Variants in STOM observed in about 807,000 individuals in gnomAD.
The protein encoded by STOM is stomatin.
In STOM, 25 loss-of-function variants were observed where a neutral mutation model predicts 30.6. The ratio of observed to expected loss-of-function variants is 0.82; its 90% CI spans 0.60 to 1.14. STOM has a LOEUF of 1.14. Among genes scored for constraint, STOM ranks in the 50% most tolerant of loss-of-function variants. STOM has a pLI of 0.00. For synonymous variants in STOM, 118 were observed against 130.8 expected (o/e 0.90, Z 0.67); for missense variants, 292 against 365.2 (o/e 0.80, Z 1.63).
chr9:121,369,857 G>T, intron 1 of STOM: 3 of 466,170 alleles, frequency 6.4e-6, no homozygotes, highest in South Asian at 3.7e-5. Flanking sequence ...TGCAGCCCTG[G>T]CATGGGGCTT....
chr9:121,348,131 T>C lies in STOM; in HGVS notation c.544A>G (p.Thr182Ala). The change falls in exon 6 of 7, where the codon ACT becomes GCT. Residue 182 changes from threonine (T) to alanine (A), a missense_variant. By Grantham distance (58) the Thr-to-Ala change is moderately conservative. Coordinates refer to ENST00000286713, the MANE Select transcript of STOM (RefSeq NM_004099.6). ...HNMQSTLDDA[T>A]DAWGIKVERV... is the part of the protein sequence containing the mutation. The stretch of plus-strand genomic sequence containing the variant: ...TCCACCTTTATTCCCCAGGCATCAG[T>C]GGCATCATCCAGAGTAGACTGTTAG... The C allele has an allele frequency of 6.2e-7, 1 of 1,614,182 alleles. No homozygotes were observed. Among genetic ancestry groups the C allele is most frequent in the Non-Finnish European group, 8.5e-7 (1 of 1,180,014 alleles).
rs56042432 is a variant in STOM, at chr9:121,358,149, A to T, written c.62-1993T>A. Among the ~76,000 whole-genome samples the T allele has an allele frequency of 8.8e-3, 1,120 of 126,964 alleles. 11 individuals are homozygous for T. Among genetic ancestry groups the T allele is most frequent in the African/African-American group, 0.017 (637 of 38,456 alleles). The allele number at this position is 126,964 out of a possible 152,430, so 83.3% of individuals were successfully genotyped here. On this transcript the variant is annotated intron_variant, in intron 1 of 6. Coordinates refer to ENST00000286713, the MANE Select transcript of STOM (RefSeq NM_004099.6). ...GACTCTGTCTCTACTTTAAAAAAAA[A>T]AAAAATAATAATAATAATATGCTTC...
chr9:121,349,249 A>G lies in STOM; in HGVS notation c.396T>C (p.Ala132=), dbSNP rs1589289707. The G allele has an allele frequency of 6.2e-7, 1 of 1,614,112 alleles. No individual in the cohort carries two copies. The highest frequency in any genetic ancestry group is 8.5e-7 in the Non-Finnish European group (1 of 1,180,044). The change falls in exon 5 of 7, where the codon GCT becomes GCC. Residue 132 remains alanine, a synonymous_variant. Coordinates refer to ENST00000286713, the MANE Select transcript of STOM (RefSeq NM_004099.6). ...AGTCAGCGTTGGTGATATTTGCCAC[A>G]GCCAGGGTTGCATTCTGAACGCGGT... ...VYYRVQNATL[A]VANITNADSA...
At chr9:121,359,764 C>G (rs2064432590) in intron 1 of STOM, among the ~76,000 whole-genome samples, 1 of 152,062 alleles carries the variant, frequency 6.6e-6, no homozygotes, top group Non-Finnish European at 1.5e-5. Flanking sequence ...GCCCGTGTTC[C>G]AAATTCACCC....
intron 1 of STOM, among the ~76,000 whole-genome samples, chr9:121,359,628 T>C (rs1340649541): frequency 6.6e-6 from 1 of 152,178 alleles, no homozygotes; most frequent in Non-Finnish European, 1.5e-5. Context: ...ATTTAACTCT[T>C]ACAACAGCCC....
At chr9:121,366,083 C>T (rs796360654) in intron 1 of STOM, 2 of 980,108 alleles carry the variant, frequency 2.0e-6, no homozygotes, top group South Asian at 9.4e-5. Context: ...ATTATAAATT[C>T]CACTCTCATT....
chr9:121,355,387 C>CAAA (rs36030273), intron 2 of STOM, among the ~76,000 whole-genome samples: 1 of 96,048 alleles, frequency 1.0e-5, no homozygotes. Context: ...GGCTCTGGCT[C>CAAA]AAAAAAAAAA....
rs1297791033 is a variant in STOM at position 121,349,160 on chromosome 9, T to C, written c.485A>G (p.Gln162Arg). 1.9e-6 allele frequency: 3 copies of C among 1,614,224 alleles called. No individual in the cohort carries two copies. In the Admixed American group the frequency reaches 5.0e-5, roughly 27 times the overall value. The change falls in exon 5 of 7, where the codon CAG becomes CGG. Residue 162 changes from glutamine to arginine, a missense_variant. Physicochemically the swap from Gln to Arg is conservative, Grantham distance 43. Coordinates refer to ENST00000286713, the MANE Select transcript of STOM (RefSeq NM_004099.6). ...RNVLGTKNLS[Q>R]ILSDREEIAH... ...AATTTCTTCTCTGTCAGAGAGGATC[T>C]GAGAAAGATTCTTGGTGCCCAGAAC...
At chr9:121,348,674 A>C (rs1233603192) in intron 5 of STOM, among the ~76,000 whole-genome samples, 2 of 152,350 alleles carry the variant, frequency 1.3e-5, no homozygotes, top group East Asian at 3.9e-4. Context: ...CCCACGATGA[A>C]GTCTATACAA....
chr9:121,340,288 CT>C lies in STOM; in HGVS notation c.*913del. 1 of 985,356 alleles carries C rather than the reference CT, an allele frequency of 1.0e-6. No homozygotes were observed. Among genetic ancestry groups the C allele is most frequent in the Non-Finnish European group, 1.2e-6 (1 of 829,902 alleles). 61.0% of individuals were successfully genotyped at this position (985,356 alleles called of 1,614,324 possible). The stretch of plus-strand genomic sequence containing the variant: ...CCACTCTAGTAGTGAATTTAAAAGT[CT>C]TTTAAGGGTTAGAGTAATCTTTTTC... On this transcript the variant is annotated 3_prime_UTR_variant, in exon 7 of 7. Coordinates refer to ENST00000286713, the MANE Select transcript of STOM (RefSeq NM_004099.6).
chr9:121,366,603 A>G (rs2064505833), intron 1 of STOM, among the ~76,000 whole-genome samples: 1 of 152,192 alleles, frequency 6.6e-6, no homozygotes, highest in African/African-American at 2.4e-5. Flanking sequence ...AAACTTAATA[A>G]AATAAATGGT....
intron 4 of STOM, among the ~76,000 whole-genome samples, chr9:121,352,444 C>T (rs1026487816): frequency 6.6e-6 from 1 of 152,150 alleles, no homozygotes; most frequent in Non-Finnish European, 1.5e-5. Flanking sequence ...TCACTTTATT[C>T]ATGTGGATTC....
At chr9:121,360,949 G>C (rs1303238088) in intron 1 of STOM, among the ~76,000 whole-genome samples, 4 of 152,104 alleles carry the variant, frequency 2.6e-5, no homozygotes, top group Admixed American at 2.0e-4. Flanking sequence ...CTGGGAAAAT[G>C]GCACTTTCAT....
chr9:121,367,102 A>AG (rs1181864139), intron 1 of STOM, among the ~76,000 whole-genome samples: 2 of 151,976 alleles, frequency 1.3e-5, no homozygotes, highest in Admixed American at 6.6e-5. Context: ...TAATTATGGG[A>AG]GGGGAGGGGA....
chr9:121,359,052 G>A (rs867136371), intron 1 of STOM, among the ~76,000 whole-genome samples: 7 of 152,350 alleles, frequency 4.6e-5, no homozygotes, highest in Middle Eastern at 6.8e-3. Context: ...GACTGAGAAG[G>A]CCAAGGGATA....
chr9:121,350,974 C>T (rs7868946), intron 4 of STOM, among the ~76,000 whole-genome samples: 260 of 152,202 alleles, frequency 1.7e-3, no homozygotes, highest in African/African-American at 5.9e-3. Flanking sequence ...TGTGTCATTC[C>T]CAAATTCTTG....
intron 5 of STOM, 69 bp downstream of exon 5, chr9:121,349,051 C>T (rs1349565060): frequency 2.0e-6 from 3 of 1,529,322 alleles, no homozygotes; most frequent in Non-Finnish European, 2.7e-6. Flanking sequence ...AAAAGGTTCT[C>T]AAACAACCAT....
chr9:121,353,611 A>G (rs963675074), intron 3 of STOM, among the ~76,000 whole-genome samples: 1 of 151,984 alleles, frequency 6.6e-6, no homozygotes, highest in Non-Finnish European at 1.5e-5. Flanking sequence ...CTCTCCTATA[A>G]TCTATTTCCT....
chr9:121,339,381 AT>A lies in STOM; in HGVS notation c.*1820del, dbSNP rs2064226752. 1 of 435,770 alleles carries A rather than the reference AT, an allele frequency of 2.3e-6. No homozygotes were observed. The allele number at this position is 435,770 out of a possible 1,614,324, so 27.0% of individuals were successfully genotyped here. A position where few individuals can be genotyped will look rare whatever the true frequency, so the allele number is the denominator to read the frequency against. ...ACTTCACACAACAGATAAAACCATC[AT>A]TTTAAAATTCAAAATGTAAGTGCAA... On this transcript the variant is annotated 3_prime_UTR_variant, in exon 7 of 7. Coordinates refer to ENST00000286713, the MANE Select transcript of STOM (RefSeq NM_004099.6).
Sources: allele counts gnomAD v4.1 joint callset (sites outside exome capture counted in the v4.1 genomes callset), GRCh38; gene constraint gnomAD v4.1.1; transcripts MANE v1.5; gene names NCBI Gene and HGNC (gene_info 2026-07-23, HGNC 2026-07-21).